CCDC12: variants seen among roughly 807,000 people sequenced by gnomAD.
CCDC12 encodes the protein coiled-coil domain containing 12.
CCDC12 carries 28 observed loss-of-function variants against 25.7 expected under a neutral mutation model. The ratio of observed to expected loss-of-function variants is 1.09; its 90% CI spans 0.81 to 1.50. The LOEUF (loss-of-function observed/expected upper bound fraction) is 1.50, where lower values mean the gene tolerates loss of function less well. CCDC12 is among the 40% of genes most tolerant of loss of function. The pLI is 0.00. For missense variants in CCDC12, 198 were observed against 210.0 expected, an observed-to-expected ratio of 0.94 and a Z score of 0.35; for synonymous variants, 75 against 87.7, an observed-to-expected ratio of 0.86 and a Z score of 0.81.
intron 1 of CCDC12, among the ~76,000 whole-genome samples, chr3:46,954,884 C>T (rs1426160196): frequency 6.6e-6 from 1 of 152,140 alleles, no homozygotes; most frequent in Non-Finnish European, 1.5e-5. Context: ...GACTGCACCA[C>T]TGCACTCCAA....
At chr3:46,931,890 T>TGG (rs1417200690) in intron 2 of CCDC12, among the ~76,000 whole-genome samples, 1 of 152,194 alleles carries the variant, frequency 6.6e-6, no homozygotes, top group African/African-American at 2.4e-5. Flanking sequence ...ACAGAGACAC[T>TGG]GGAGCTCTGC....
intron 1 of CCDC12, among the ~76,000 whole-genome samples, chr3:46,967,450 C>T (rs2034675129): frequency 6.6e-6 from 1 of 152,160 alleles, no homozygotes; most frequent in African/African-American, 2.4e-5. Context: ...TCTACTCCTA[C>T]TCCTCAAACA....
intron 1 of CCDC12, chr3:46,976,297 C>T: frequency 8.5e-7 from 1 of 1,175,230 alleles, no homozygotes; most frequent in Non-Finnish European, 1.1e-6. Context: ...AGGAACGGAA[C>T]AAATCACGCC....
upstream of CCDC12, chr3:46,976,823 A>C: frequency 6.5e-7 from 1 of 1,533,942 alleles, no homozygotes; most frequent in Non-Finnish European, 8.8e-7. Context: ...TCCAAGGACG[A>C]GAATGAGAGA....
chr3:46,981,302 C>T (rs1246794974), upstream of CCDC12, among the ~76,000 whole-genome samples: 1 of 152,034 alleles, frequency 6.6e-6, no homozygotes, highest in Admixed American at 6.6e-5. Context: ...ATTAGCCGGG[C>T]GTGGTGGGGT....
chr3:46,954,333 A>G (rs774904160), intron 1 of CCDC12, among the ~76,000 whole-genome samples: 4 of 152,248 alleles, frequency 2.6e-5, no homozygotes, highest in South Asian at 4.1e-4. Context: ...AAGCCCAACC[A>G]CTATGTGTTC....
intron 2 of CCDC12, among the ~76,000 whole-genome samples, chr3:46,934,791 C>G (rs752483340): frequency 3.3e-5 from 5 of 152,258 alleles, no homozygotes; most frequent in Non-Finnish European, 7.3e-5. Flanking sequence ...AGCAGGAGAT[C>G]TCCACTGCCC....
At chr3:46,922,575 G>A in intron 5 of CCDC12, 1 of 544,610 alleles carries the variant, frequency 1.8e-6, no homozygotes, top group South Asian at 2.1e-5. Context: ...AAGGTGGATG[G>A]TTTCTCAGAG....
At chr3:46,979,643 C>T (rs2035159790), upstream of CCDC12, 1 of 309,850 alleles carries the variant, frequency 3.2e-6, no homozygotes, top group Non-Finnish European at 5.9e-6. Context: ...CAGCGAAGTG[C>T]AGGAAGCTGG....
chr3:46,953,559 C>T (rs1404902381), intron 1 of CCDC12, among the ~76,000 whole-genome samples: 1 of 151,896 alleles, frequency 6.6e-6, no homozygotes, highest in Non-Finnish European at 1.5e-5. Context: ...TCTTGACCCT[C>T]ACCTGGCTAA....
chr3:46,952,743 A>T lies in CCDC12; in HGVS notation c.97-11678T>A, dbSNP rs1185607761. Among the ~76,000 whole-genome samples, 4 of 152,264 alleles carry T rather than the reference A, an allele frequency of 2.6e-5. No individual in the cohort carries two copies. The East Asian group carries it at 7.7e-4, about 29-fold the overall frequency. On this transcript the variant is annotated intron_variant, in intron 1 of 6. Coordinates refer to ENST00000683445, the MANE Select transcript of CCDC12 (RefSeq NM_001277074.2). ...CAACTGATTATTCCATTAATTAAAC[A>T]GTAGTACTGATATTATCAAAAATAA...
At chr3:46,978,239 G>T (rs1054250099), upstream of CCDC12, among the ~76,000 whole-genome samples, 1 of 152,186 alleles carries the variant, frequency 6.6e-6, no homozygotes, top group African/African-American at 2.4e-5. Context: ...TAGTGGATGG[G>T]TTGCTCTGCC....
Position 46,922,055 on chromosome 3 carries a change from C to A in CCDC12, c.*2G>T. 1 of 1,613,788 alleles carries A rather than the reference C, an allele frequency of 6.2e-7. No homozygotes were observed. Among genetic ancestry groups the A allele is most frequent in the Non-Finnish European group, 8.5e-7 (1 of 1,180,020 alleles). On this transcript the variant is annotated 3_prime_UTR_variant, in exon 7 of 7. Transcript: ENST00000683445. ...TGGGCGAGTGGTGGGGCAGGGCATGCCTCAGTCGGAGTCACAGGTCTTTTG... is the reference window on the plus strand; with the variant it reads ...TGGGCGAGTGGTGGGGCAGGGCATGACTCAGTCGGAGTCACAGGTCTTTTG...
chr3:46,956,813 C>T (rs1247970510), intron 1 of CCDC12, among the ~76,000 whole-genome samples: 1 of 96,668 alleles, frequency 1.0e-5, no homozygotes, highest in Non-Finnish European at 2.2e-5. Flanking sequence ...GAGTCCCTGT[C>T]ACCACCACAC....
At chr3:46,972,316 A>T (rs2034828831) in intron 1 of CCDC12, among the ~76,000 whole-genome samples, 1 of 152,184 alleles carries the variant, frequency 6.6e-6, no homozygotes, top group Non-Finnish European at 1.5e-5. Context: ...CAAAAAATTA[A>T]TTTTTAAAAA....
intron 1 of CCDC12, among the ~76,000 whole-genome samples, chr3:46,962,568 C>A (rs1229671329): frequency 6.7e-6 from 1 of 150,174 alleles, no homozygotes; most frequent in African/African-American, 2.5e-5. Flanking sequence ...ATAGGAAAAA[C>A]AGGCAACTGA....
intron 1 of CCDC12, among the ~76,000 whole-genome samples, chr3:46,966,673 C>A (rs183293604): frequency 6.6e-6 from 1 of 152,040 alleles, no homozygotes; most frequent in Non-Finnish European, 1.5e-5. Context: ...CTCAGACTGG[C>A]GCTACCCTCC....
upstream of CCDC12, among the ~76,000 whole-genome samples, chr3:46,977,794 C>G (rs545951718): frequency 3.6e-3 from 555 of 152,344 alleles, 2 homozygotes; most frequent in Admixed American, 6.9e-3. Context: ...GCCTCAAGTA[C>G]TGCCCCCAAT....
chr3:46,961,333 A>G (rs1479858603), intron 1 of CCDC12, among the ~76,000 whole-genome samples: 3 of 152,244 alleles, frequency 2.0e-5, no homozygotes, highest in African/African-American at 7.2e-5. Context: ...TGCAGGGTCA[A>G]TGGAAGAGCC....
Sources: allele counts gnomAD v4.1 joint callset (sites outside exome capture counted in the v4.1 genomes callset), GRCh38; gene constraint gnomAD v4.1.1; transcripts MANE v1.5; gene names NCBI Gene and HGNC (gene_info 2026-07-23, HGNC 2026-07-21).